ATP11C: variants seen among roughly 807,000 people sequenced by gnomAD.
ATP11C encodes phospholipid-transporting ATPase IG.
ATP11C carries 36 observed loss-of-function variants against 97.4 expected under a neutral mutation model. The observed-to-expected ratio is 0.37, with a 90% confidence interval of 0.28 to 0.49. The LOEUF (loss-of-function observed/expected upper bound fraction) is 0.49, where lower values mean the gene tolerates loss of function less well. Among genes scored for constraint, ATP11C ranks in the 20% least tolerant of loss-of-function variants. The pLI is 0.98. For synonymous variants in ATP11C, 275 were observed against 290.9 expected (o/e 0.95, Z 0.56); for missense variants, 730 against 824.6 (o/e 0.89, Z 1.40).
chrX:139,811,866 C>T (rs889106432), intron 5 of ATP11C, among the ~76,000 whole-genome samples: 2 of 111,209 alleles, frequency 1.8e-5, no homozygotes, highest in African/African-American at 6.5e-5. Flanking sequence ...AATGAGTTAA[C>T]AGAATGTAAA....
Position 139,728,669 on chromosome X carries a change from TCTAA to T in ATP11C, c.*293_*296del. The T allele has an allele frequency of 6.3e-6, 2 of 316,619 alleles. No individual in the cohort carries two copies. The highest frequency in any genetic ancestry group is 5.0e-5 in the Admixed American group (1 of 20,088). The allele number at this position is 316,619 out of a possible 1,213,427, so 26.1% of individuals were successfully genotyped here. A position where few individuals can be genotyped will look rare whatever the true frequency, so the allele number is the denominator to read the frequency against. On this transcript the variant is annotated 3_prime_UTR_variant, in exon 30 of 30. Transcript: ENST00000682941. ...AGAGCACCCATTTGAGTTATATTAC[TCTAA>T]CTAAAGCCAGAATTCTAAGTATTCT...
rs779408172 is a variant in ATP11C at position 139,789,441 on chromosome X, G to A, written c.1254C>T (p.Ser418=). ...CTATGCAGCATTCAATGAATTCCAT[G>A]CTGTTTTCAGTGAGTGTTCCAGTCT... ...TDKTGTLTEN[S]MEFIECCIDG... Residue 418 remains serine (S), a synonymous_variant, in exon 13 of 30, where the codon AGC becomes AGT. Transcript: ENST00000682941. 1.7e-6 allele frequency: 2 copies of A among 1,203,049 alleles called. No individual in the cohort carries two copies. The highest frequency in any genetic ancestry group is 3.0e-5 in the East Asian group (1 of 33,561).
upstream of ATP11C, among the ~76,000 whole-genome samples, chrX:139,934,775 C>CT (rs1363630653): frequency 9.0e-6 from 1 of 110,789 alleles, no homozygotes; most frequent in African/African-American, 3.3e-5. Context: ...TCTCGATCTC[C>CT]TGACCTCAGG....
chrX:139,779,118 CAGAG>C (rs1441269327), intron 18 of ATP11C, among the ~76,000 whole-genome samples: 1 of 111,546 alleles, frequency 9.0e-6, no homozygotes, highest in Non-Finnish European at 1.9e-5. Flanking sequence ...AGGAAAGAGA[CAGAG>C]AGCCATACAA....
At chrX:139,827,644 C>T (rs1382424599) in intron 1 of ATP11C, among the ~76,000 whole-genome samples, 1 of 111,559 alleles carries the variant, frequency 9.0e-6, no homozygotes, top group African/African-American at 3.3e-5. Flanking sequence ...GAGACTACCA[C>T]ATATATAAGT....
chrX:139,778,519 G>A (rs1179628982), intron 18 of ATP11C, among the ~76,000 whole-genome samples: 2 of 111,823 alleles, frequency 1.8e-5, no homozygotes, highest in Non-Finnish European at 3.8e-5. Context: ...ATAGATTGCC[G>A]CAATGAATAC....
At chrX:139,848,370 T>C (rs946264398) in intron 1 of ATP11C, among the ~76,000 whole-genome samples, 1 of 111,512 alleles carries the variant, frequency 9.0e-6, no homozygotes, top group Non-Finnish European at 1.9e-5. Context: ...ACCTCTTCTA[T>C]AGTGAGAGAG....
intron 1 of ATP11C, among the ~76,000 whole-genome samples, chrX:139,894,518 T>C (rs776483656): frequency 9.0e-6 from 1 of 111,596 alleles, no homozygotes; most frequent in African/African-American, 3.3e-5. Context: ...GAGAGGTTGA[T>C]TAATGGGTAC....
rs763019213 is a variant in ATP11C at position 139,753,393 on chromosome X, G to C, written c.2701-3241C>G. On this transcript the variant is annotated intron_variant, in intron 23 of 29. Transcript: ENST00000682941. ...TTTTTGGGTAAATAATGAAATTAAG[G>C]CAAAAATCAAGAATTTCTTTAAAAC... is the stretch of plus-strand genomic sequence containing the variant. Among the ~76,000 whole-genome samples the C allele has an allele frequency of 3.6e-5, 4 of 111,846 alleles. No individual in the cohort carries two copies. The East Asian group carries it at 1.1e-3, about 31-fold the overall frequency.
At chrX:139,765,503 C>A (rs778848849) in intron 20 of ATP11C, among the ~76,000 whole-genome samples, 3 of 111,940 alleles carry the variant, frequency 2.7e-5, no homozygotes, top group Non-Finnish European at 5.6e-5. Flanking sequence ...GAGAAGATAC[C>A]ATACATGCCA....
intron 2 of ATP11C, among the ~76,000 whole-genome samples, chrX:139,820,826 C>T (rs1019934208): frequency 2.7e-5 from 3 of 111,282 alleles, no homozygotes; most frequent in East Asian, 2.9e-4. Context: ...CCTAGTAAGA[C>T]CAGAAACTAG....
intron 1 of ATP11C, among the ~76,000 whole-genome samples, chrX:139,875,729 T>C (rs1379879460): frequency 1.8e-5 from 2 of 112,527 alleles, no homozygotes; most frequent in Admixed American, 1.9e-4. Flanking sequence ...GTGCTTTCTA[T>C]ATTCCAGTCC....
intron 6 of ATP11C, among the ~76,000 whole-genome samples, chrX:139,804,046 T>G (rs1246297103): frequency 9.0e-6 from 1 of 111,025 alleles, no homozygotes. Context: ...CAGGTTGGGT[T>G]TCCTACATCC....
At chrX:139,861,721 G>C (rs1190240856) in intron 1 of ATP11C, among the ~76,000 whole-genome samples, 1 of 109,426 alleles carries the variant, frequency 9.1e-6, no homozygotes, top group East Asian at 2.9e-4. Context: ...ACTGTCTTAA[G>C]CAAATGCACA....
chrX:139,855,117 G>T (rs956120592), intron 1 of ATP11C, among the ~76,000 whole-genome samples: 2 of 111,593 alleles, frequency 1.8e-5, no homozygotes, highest in African/African-American at 6.5e-5. Context: ...AGCTTATCTG[G>T]TATAAAAATA....
At chrX:139,880,896 A>C (rs1184698938) in intron 1 of ATP11C, among the ~76,000 whole-genome samples, 2 of 112,262 alleles carry the variant, frequency 1.8e-5, no homozygotes, top group Non-Finnish European at 3.8e-5. Context: ...AAGTCATAAC[A>C]AACTGTCCTC....
At chrX:139,890,959 A>C (rs1404081382) in intron 1 of ATP11C, among the ~76,000 whole-genome samples, 1 of 111,527 alleles carries the variant, frequency 9.0e-6, no homozygotes, top group Non-Finnish European at 1.9e-5. Context: ...AAGTAAGCAC[A>C]GTGTAGCCAG....
intron 1 of ATP11C, among the ~76,000 whole-genome samples, chrX:139,842,710 G>A (rs2485736): frequency 0.065 from 7,304 of 112,043 alleles, 582 homozygotes; most frequent in African/African-American, 0.22. Context: ...AGATTAATGT[G>A]TCTGAGCGTT....
chrX:139,753,151 C>CA (rs1399015267), intron 23 of ATP11C, among the ~76,000 whole-genome samples: 1 of 111,353 alleles, frequency 9.0e-6, no homozygotes, highest in Non-Finnish European at 1.9e-5. Context: ...TCTCTACCCC[C>CA]AAAACAACAG....
Sources: gnomAD v4.1 joint callset for allele counts (sites outside exome capture counted in the v4.1 genomes callset) on GRCh38, gnomAD v4.1.1 for gene constraint, MANE v1.5 for transcripts, NCBI Gene and HGNC (gene_info 2026-07-23, HGNC 2026-07-21) for gene names.